ASH1L: variants seen among roughly 807,000 people sequenced by gnomAD.
ASH1L encodes the protein ASH1 like histone lysine methyltransferase.
Under a neutral mutation model 269.0 loss-of-function variants are expected in ASH1L, and 23 were observed. The observed-to-expected ratio is 0.09, with a 90% CI of 0.06 to 0.12. ASH1L has a LOEUF of 0.12. ASH1L is among the 10% of genes least tolerant of loss of function. The pLI is 1.00. For missense variants in ASH1L, 2,912 were observed against 3,567.8 expected, an observed-to-expected ratio of 0.82 and a Z score of 4.68; for synonymous variants, 1,187 against 1,253.5, an observed-to-expected ratio of 0.95 and a Z score of 1.12.
chr1:155,347,161 G>A (rs2148334459), intron 20 of ASH1L, among the ~76,000 whole-genome samples: 1 of 152,328 alleles, frequency 6.6e-6, no homozygotes, highest in South Asian at 2.1e-4. Flanking sequence ...CGCTCTGGGA[G>A]GCCGAGGTGG....
chr1:155,372,497 C>T (rs1342197045), intron 10 of ASH1L, among the ~76,000 whole-genome samples: 6 of 146,794 alleles, frequency 4.1e-5, no homozygotes, highest in Admixed American at 1.4e-4. Flanking sequence ...GTAGTAGAGA[C>T]GAGGTTTTGC....
chr1:155,404,505 TG>T (rs1266903113), intron 6 of ASH1L, among the ~76,000 whole-genome samples: 3 of 152,032 alleles, frequency 2.0e-5, no homozygotes, highest in Admixed American at 6.6e-5. Context: ...AAGACCTCAT[TG>T]TCTCTACAAA....
In ASH1L at chr1:155,481,158, G is replaced by A; in HGVS notation, c.1712C>T (p.Pro571Leu). 1 of 1,614,014 alleles carries A rather than the reference G, an allele frequency of 6.2e-7. No homozygotes were observed. ...TVSVNPLTRSPPETSSQLAPN... is the reference protein window; with the variant it reads ...TVSVNPLTRSLPETSSQLAPN... The stretch of plus-strand genomic sequence containing the variant: ...AGCCAACTGTGAAGAAGTTTCAGGG[G>A]GACTTCTGGTTAAAGGATTAACAGA... Residue 571 changes from proline (P) to leucine (L), a missense_variant, in exon 3 of 28, where the codon CCC becomes CTC. By Grantham distance (98) the Pro-to-Leu change is moderately conservative (BLOSUM62 -3). Around this residue, in one of 13 missense-constraint regions of ASH1L, gnomAD observed 715 missense variants for 721.0 expected, o/e 0.99. Transcript: ENST00000392403.
At chr1:155,559,265 G>A (rs1178361896) in intron 1 of ASH1L, among the ~76,000 whole-genome samples, 9 of 152,160 alleles carry the variant, frequency 5.9e-5, no homozygotes, top group African/African-American at 2.2e-4. Flanking sequence ...GAGGCCGGGC[G>A]CGGTGGCTCA....
At chr1:155,406,107 CAGA>C (rs1014396815) in intron 6 of ASH1L, among the ~76,000 whole-genome samples, 3 of 145,914 alleles carry the variant, frequency 2.1e-5, no homozygotes, top group African/African-American at 7.6e-5. Context: ...GGGAGGCTGA[CAGA>C]AGAGAATTGC....
Position 155,496,036 on chromosome 1 carries a change from C to T in ASH1L, c.421-13587G>A, listed in dbSNP as rs570266480. On this transcript the variant is annotated intron_variant, in intron 2 of 27. Transcript: ENST00000392403. The stretch of plus-strand genomic sequence containing the variant: ...AAATAAATAAAACAAAACAAATTAA[C>T]CTTAGCTTCCTTTTTTACTTTATTA... 3.9e-5 allele frequency among the ~76,000 whole-genome samples: 6 copies of T among 152,090 alleles called. No homozygotes were observed. The South Asian group carries it at 1.2e-3, about 32-fold the overall frequency.
chr1:155,462,001 T>C (rs954520422), intron 3 of ASH1L, among the ~76,000 whole-genome samples: 2 of 152,056 alleles, frequency 1.3e-5, no homozygotes, highest in South Asian at 2.1e-4. Flanking sequence ...GGTTCCATCA[T>C]GTTGGCCAGG....
intron 3 of ASH1L, among the ~76,000 whole-genome samples, chr1:155,474,602 G>A (rs554650076): frequency 2.0e-5 from 3 of 152,176 alleles, no homozygotes; most frequent in Non-Finnish European, 4.4e-5. Flanking sequence ...TCAGGAGGCT[G>A]AGGCTGGAAA....
chr1:155,489,721 G>T (rs1666618204), intron 2 of ASH1L, among the ~76,000 whole-genome samples: 2 of 151,332 alleles, frequency 1.3e-5, no homozygotes, highest in Admixed American at 1.3e-4. Context: ...TTGCACCACT[G>T]CACTCCAGCC....
intron 6 of ASH1L, among the ~76,000 whole-genome samples, chr1:155,415,298 C>T (rs1209491757): frequency 6.7e-6 from 1 of 149,632 alleles, no homozygotes; most frequent in Non-Finnish European, 1.5e-5. Context: ...AGGAGAATGG[C>T]GTGAACCCCG....
intron 6 of ASH1L, among the ~76,000 whole-genome samples, chr1:155,398,295 T>C (rs1658533659): frequency 6.6e-6 from 1 of 152,202 alleles, no homozygotes; most frequent in Non-Finnish European, 1.5e-5. Context: ...TCATTTGTCA[T>C]TTGATAGTGA....
intron 2 of ASH1L, among the ~76,000 whole-genome samples, chr1:155,513,878 C>G (rs955140300): frequency 1.3e-5 from 2 of 151,948 alleles, no homozygotes; most frequent in Admixed American, 6.6e-5. Flanking sequence ...TCACATTAAC[C>G]TAAAAATTCA....
Position 155,376,955 on chromosome 1 carries a change from T to C in ASH1L, c.6332+1326A>G, listed in dbSNP as rs550253157. Among the ~76,000 whole-genome samples, 3 of 151,424 alleles carry C rather than the reference T, an allele frequency of 2.0e-5. No homozygotes were observed. The South Asian group carries it at 6.3e-4, about 32-fold the overall frequency. Reference sequence around the variant, plus strand: ...GGAGTTTCCCTCTTGTTGCCCAGGCTGGAGTGCAATGGCAGGACCTTGGCT... The same window carrying C: ...GGAGTTTCCCTCTTGTTGCCCAGGCCGGAGTGCAATGGCAGGACCTTGGCT... On this transcript the variant is annotated intron_variant, in intron 10 of 27. Transcript: ENST00000392403.
chr1:155,416,507 T>C (rs1660222277), intron 5 of ASH1L, among the ~76,000 whole-genome samples: 1 of 152,062 alleles, frequency 6.6e-6, no homozygotes, highest in African/African-American at 2.4e-5. Context: ...AAAAATGCGG[T>C]GAGTCACACA....
intron 1 of ASH1L, among the ~76,000 whole-genome samples, chr1:155,552,178 A>G (rs1671262658): frequency 6.6e-6 from 1 of 151,968 alleles, no homozygotes; most frequent in South Asian, 2.1e-4. Context: ...CTAAATAAAT[A>G]TATGAAGGCC....
chr1:155,369,043 T>C (rs1655689005), intron 12 of ASH1L, among the ~76,000 whole-genome samples: 1 of 152,232 alleles, frequency 6.6e-6, no homozygotes, highest in Non-Finnish European at 1.5e-5. Flanking sequence ...GGAGATTGAC[T>C]TAAAAGGTAA....
At chr1:155,490,166 G>A (rs868795323) in intron 2 of ASH1L, among the ~76,000 whole-genome samples, 11 of 151,786 alleles carry the variant, frequency 7.2e-5, no homozygotes, top group South Asian at 2.1e-4. Flanking sequence ...GGGTTTCACC[G>A]TGTTAGCCAG....
intron 22 of ASH1L, 73 bp downstream of exon 22, chr1:155,344,110 T>G: frequency 7.6e-7 from 1 of 1,318,980 alleles, no homozygotes; most frequent in Non-Finnish European, 1.1e-6. Context: ...ATGACTATGA[T>G]GGAGACAGCA....
intron 2 of ASH1L, among the ~76,000 whole-genome samples, chr1:155,511,939 T>C (rs1271492723): frequency 6.6e-6 from 1 of 151,906 alleles, no homozygotes; most frequent in African/African-American, 2.4e-5. Flanking sequence ...GCCTCCCAAG[T>C]AGCTGGGATT....
Sources: gnomAD v4.1 joint callset for allele counts (sites outside exome capture counted in the v4.1 genomes callset) on GRCh38, gnomAD v4.1.1 for gene constraint, gnomAD v4.1.1 regional missense constraint, MANE v1.5 for transcripts, NCBI Gene and HGNC (gene_info 2026-07-23, HGNC 2026-07-21) for gene names.